Variants in PRKN observed in about 807,000 individuals in gnomAD.
PRKN encodes the protein parkin RBR E3 ubiquitin protein ligase, also known as E3 ubiquitin-protein ligase parkin.
Under a neutral mutation model 59.5 loss-of-function variants are expected in PRKN, and 56 were observed. The observed-to-expected ratio is 0.94, with a 90% CI of 0.76 to 1.18. The LOEUF (loss-of-function observed/expected upper bound fraction) is 1.18. Among genes scored for constraint, PRKN ranks in the 50% most tolerant of loss-of-function variants. The probability of loss-of-function intolerance (pLI) is 0.00; values close to 1 mark genes in which losing one functional copy is unlikely to be tolerated. For synonymous variants in PRKN, 250 were observed against 222.1 expected (o/e 1.13, Z -1.12); for missense variants, 657 against 596.4 (o/e 1.10, Z -1.06).
chr6:162,550,937 G>A (rs138079739), intron 1 of PRKN, among the ~76,000 whole-genome samples: 1 of 152,146 alleles, frequency 6.6e-6, no homozygotes, highest in Admixed American at 6.5e-5. Flanking sequence ...GCTGGTGGCT[G>A]CTCATATCCT....
chr6:161,478,456 TA>T (rs1401491812), intron 9 of PRKN, among the ~76,000 whole-genome samples: 5 of 152,354 alleles, frequency 3.3e-5, no homozygotes, highest in South Asian at 4.1e-4. Flanking sequence ...TCAGTATAGT[TA>T]CACATGTGAT....
At chr6:161,479,432 G>T (rs1308879418) in intron 9 of PRKN, among the ~76,000 whole-genome samples, 1 of 151,984 alleles carries the variant, frequency 6.6e-6, no homozygotes, top group Non-Finnish European at 1.5e-5. Flanking sequence ...TTTTCATTTT[G>T]CTTGAATGTG....
At chr6:162,633,533 A>G (rs1378431905) in intron 1 of PRKN, among the ~76,000 whole-genome samples, 1 of 151,590 alleles carries the variant, frequency 6.6e-6, no homozygotes, top group African/African-American at 2.4e-5. Context: ...TCAATTATGT[A>G]TAAAACCGGA....
chr6:161,568,310 T>C (rs1466304208), intron 8 of PRKN, among the ~76,000 whole-genome samples: 1 of 152,140 alleles, frequency 6.6e-6, no homozygotes, highest in Non-Finnish European at 1.5e-5. Flanking sequence ...TAAATAACAC[T>C]GGGCTGGGCG....
rs181521571 is a variant in PRKN, at chr6:161,371,461, G to A, written c.1168-11256C>T. 7.8e-4 allele frequency among the ~76,000 whole-genome samples: 107 copies of A among 137,930 alleles called. 1 individual carries two copies. The highest frequency in any genetic ancestry group is 2.6e-3 in the African/African-American group (97 of 37,382). 90.5% of individuals were successfully genotyped at this position (137,930 alleles called of 152,430 possible). On this transcript the variant is annotated intron_variant, in intron 10 of 11. Transcript: ENST00000366898. The surrounding 1 kb of genome is among the most constrained non-coding windows in gnomAD (Gnocchi z 5.5). Reference sequence around the variant, plus strand: ...ATTACAGGTGTGAGCCACTGCGCCCGGCCTATTTTGTTATTTTTTTTAAGA... The same window carrying A: ...ATTACAGGTGTGAGCCACTGCGCCCAGCCTATTTTGTTATTTTTTTTAAGA...
intron 7 of PRKN, among the ~76,000 whole-genome samples, chr6:161,690,887 A>G (rs913914700): frequency 6.6e-6 from 1 of 152,192 alleles, no homozygotes; most frequent in African/African-American, 2.4e-5. Flanking sequence ...TTCAGCCTCC[A>G]TAAACGCAAG....
chr6:162,657,876 T>TG (rs1778708410), intron 1 of PRKN, among the ~76,000 whole-genome samples: 1 of 152,164 alleles, frequency 6.6e-6, no homozygotes, highest in Non-Finnish European at 1.5e-5. Context: ...GGAGGCTTGT[T>TG]GGAGGCTTGT....
At chr6:161,660,523 T>C (rs971427295) in intron 7 of PRKN, among the ~76,000 whole-genome samples, 1 of 152,030 alleles carries the variant, frequency 6.6e-6, no homozygotes, top group East Asian at 1.9e-4. Context: ...AAGGAAAAAA[T>C]GGTGAGCTGG....
intron 1 of PRKN, among the ~76,000 whole-genome samples, chr6:162,516,464 A>G (rs1777862995): frequency 6.6e-6 from 1 of 152,194 alleles, no homozygotes; most frequent in Admixed American, 6.5e-5. Flanking sequence ...ATTTGAAAAC[A>G]TTTCTGGCCA....
chr6:162,025,727 C>A (rs1484414782), intron 5 of PRKN, among the ~76,000 whole-genome samples: 1 of 150,408 alleles, frequency 6.6e-6, no homozygotes, highest in African/African-American at 2.4e-5. Context: ...TAGCTGGGAC[C>A]ACAGGCATGT....
At chr6:162,652,274 C>T (rs1778473149) in intron 1 of PRKN, among the ~76,000 whole-genome samples, 2 of 152,300 alleles carry the variant, frequency 1.3e-5, no homozygotes, top group South Asian at 4.1e-4. Context: ...AATTTTATAA[C>T]CTGCTCTTCC....
intron 2 of PRKN, among the ~76,000 whole-genome samples, chr6:162,287,741 CAAAT>C (rs987776788): frequency 7.2e-5 from 11 of 152,004 alleles, no homozygotes; most frequent in African/African-American, 2.7e-4. Flanking sequence ...ACATTGATAA[CAAAT>C]AACTAGCTAT....
chr6:161,981,620 G>T (rs1240586892), intron 5 of PRKN, among the ~76,000 whole-genome samples: 5 of 152,118 alleles, frequency 3.3e-5, no homozygotes, highest in African/African-American at 1.2e-4. Flanking sequence ...AATAGCCATG[G>T]CAAAGCCTGT....
chr6:162,367,220 C>A (rs1240071254), intron 2 of PRKN, among the ~76,000 whole-genome samples: 1 of 152,126 alleles, frequency 6.6e-6, no homozygotes, highest in East Asian at 1.9e-4. Context: ...ATGTTTGCTT[C>A]CCCTTCCACC....
At chr6:161,607,856 G>C (rs1782340258) in intron 7 of PRKN, among the ~76,000 whole-genome samples, 1 of 152,224 alleles carries the variant, frequency 6.6e-6, no homozygotes, top group African/African-American at 2.4e-5. Flanking sequence ...GCCAAGGACA[G>C]CCGTCACAGT....
chr6:162,303,603 T>C (rs886465081), intron 2 of PRKN, among the ~76,000 whole-genome samples: 4 of 146,642 alleles, frequency 2.7e-5, no homozygotes, highest in Admixed American at 2.6e-4. Context: ...TAATAAAGAT[T>C]AGGAAGCTGT....
rs182651401 is a variant in PRKN, at chr6:161,431,794, G to T, written c.1084-44917C>A. Among the ~76,000 whole-genome samples, 262 of 152,090 alleles carry T rather than the reference G, an allele frequency of 1.7e-3. 4 individuals carry two copies. Among genetic ancestry groups the T allele is most frequent in the Admixed American group, 0.014 (212 of 15,256 alleles). ...CACCCCGCTAATTTTTGTATTTTTA[G>T]TAGAGACAGGGTTTCACCATATTGG... is the stretch of plus-strand genomic sequence containing the variant. On this transcript the variant is annotated intron_variant, in intron 9 of 11. Transcript: ENST00000366898.
intron 9 of PRKN, among the ~76,000 whole-genome samples, chr6:161,504,177 G>A (rs1474088908): frequency 6.6e-6 from 1 of 152,216 alleles, no homozygotes; most frequent in Non-Finnish European, 1.5e-5. Context: ...ATCCCAAAGG[G>A]TCTCCAAGGC....
At chr6:162,219,732 G>A (rs773159867) in intron 3 of PRKN, among the ~76,000 whole-genome samples, 22 of 151,910 alleles carry the variant, frequency 1.4e-4, no homozygotes, top group Non-Finnish European at 2.8e-4. Flanking sequence ...TTGATTCTTC[G>A]GTCCATGAGT....
Sources: allele counts gnomAD v4.1 joint callset (sites outside exome capture counted in the v4.1 genomes callset), GRCh38; gene constraint gnomAD v4.1.1; non-coding constraint Gnocchi (gnomAD v3.1); transcripts MANE v1.5; gene names NCBI Gene and HGNC (gene_info 2026-07-23, HGNC 2026-07-21).